SEZ6L: variants seen among roughly 807,000 people sequenced by gnomAD.
SEZ6L encodes the protein seizure related 6 homolog like.
SEZ6L carries 37 observed loss-of-function variants against 106.2 expected under a neutral mutation model. The observed-to-expected ratio is 0.35, with a 90% confidence interval of 0.27 to 0.46. The LOEUF is 0.46. Ranked by LOEUF, SEZ6L falls within the 20% of genes least tolerant of loss-of-function variation. The probability of loss-of-function intolerance (pLI) is 1.00; values close to 1 mark genes in which losing one functional copy is unlikely to be tolerated. For synonymous variants in SEZ6L, 541 were observed against 570.4 expected (o/e 0.95, Z 0.73); for missense variants, 1,172 against 1,332.8 (o/e 0.88, Z 1.88).
At chr22:26,186,822 T>C (rs541891877) in intron 1 of SEZ6L, among the ~76,000 whole-genome samples, 30 of 152,272 alleles carry the variant, frequency 2.0e-4, no homozygotes, top group African/African-American at 9.6e-5. Context: ...CCAGATCCTA[T>C]AGGGCAGGGA....
At chr22:26,354,978 CA>C (rs2083396194) in intron 12 of SEZ6L, among the ~76,000 whole-genome samples, 1 of 152,222 alleles carries the variant, frequency 6.6e-6, no homozygotes, top group South Asian at 2.1e-4. Flanking sequence ...GGAGATAACG[CA>C]GGAGGCGAGA....
intron 13 of SEZ6L, among the ~76,000 whole-genome samples, chr22:26,372,141 G>A (rs2084057837): frequency 6.6e-6 from 1 of 152,152 alleles, no homozygotes; most frequent in South Asian, 2.1e-4. Flanking sequence ...TTCTGAAGAG[G>A]AGCCAGTGAG....
In SEZ6L at chr22:26,351,081, G is replaced by A. The variant is rs1374250696; in HGVS notation, c.2437G>A (p.Asp813Asn). Residue 813 changes from aspartate (D) to asparagine (N), a missense_variant, in exon 12 of 17, where the codon GAT (aspartate) becomes AAT (asparagine). Physicochemically the swap from Asp to Asn is conservative, Grantham distance 23. This residue lies in a region of SEZ6L where 534 missense variants were observed against 691.0 expected (regional missense o/e 0.77). Transcript: ENST00000248933. ...GTACTGCACCGACCCCGGAGAGGTG[G>A]ATCACTCGACCCGCTTAATTTCGGA... ...IMYCTDPGEV[D>N]HSTRLISDPV... 2 of 1,614,122 alleles carry A rather than the reference G, an allele frequency of 1.2e-6. No individual in the cohort carries two copies. Among genetic ancestry groups the A allele is most frequent in the Non-Finnish European group, 1.7e-6 (2 of 1,180,036 alleles).
intron 5 of SEZ6L, among the ~76,000 whole-genome samples, chr22:26,304,431 AAAGAAAG>A (rs2081572959): frequency 6.7e-6 from 1 of 149,472 alleles, no homozygotes. Flanking sequence ...AAAGAAAGAA[AAAGAAAG>A]GAAAGAAAAT....
chr22:26,373,708 T>C (rs1400314114), intron 14 of SEZ6L, among the ~76,000 whole-genome samples: 2 of 152,150 alleles, frequency 1.3e-5, no homozygotes, highest in Non-Finnish European at 2.9e-5. Flanking sequence ...AGCTGTTCTG[T>C]ACATGGTAAC....
chr22:26,361,349 C>T (rs9608487), intron 12 of SEZ6L, among the ~76,000 whole-genome samples: 3 of 140,344 alleles, frequency 2.1e-5, no homozygotes, highest in African/African-American at 7.8e-5. Context: ...AATACAAAAA[C>T]AAAAAAAATC....
chr22:26,349,692 A>T (rs1035505378), intron 11 of SEZ6L, among the ~76,000 whole-genome samples: 1 of 152,154 alleles, frequency 6.6e-6, no homozygotes, highest in Non-Finnish European at 1.5e-5. Context: ...TTGTAGAGAC[A>T]GGGGTCTTGC....
At chr22:26,375,463 G>C in intron 14 of SEZ6L, 112 bp from the exon 15 acceptor site, 2 of 805,196 alleles carry the variant, frequency 2.5e-6, no homozygotes, top group Non-Finnish European at 4.3e-6. Context: ...GGCCCTCCCA[G>C]AGCCTTAGAC....
intron 1 of SEZ6L, among the ~76,000 whole-genome samples, chr22:26,192,128 C>T (rs1027592316): frequency 6.6e-6 from 1 of 152,202 alleles, no homozygotes; most frequent in African/African-American, 2.4e-5. Flanking sequence ...ATCCATTCAT[C>T]TGTTCATCAC....
At chr22:26,188,288 A>G (rs1244548326) in intron 1 of SEZ6L, among the ~76,000 whole-genome samples, 1 of 152,172 alleles carries the variant, frequency 6.6e-6, no homozygotes, top group African/African-American at 2.4e-5. Flanking sequence ...AATAACAAAT[A>G]TTTACTATTA....
chr22:26,269,139 T>C (rs1392260667), intron 1 of SEZ6L, among the ~76,000 whole-genome samples: 1 of 152,218 alleles, frequency 6.6e-6, no homozygotes, highest in Non-Finnish European at 1.5e-5. Flanking sequence ...GGGGATATTA[T>C]GGGATGTAAT....
At chr22:26,172,646 C>A (rs1938704881) in intron 1 of SEZ6L, among the ~76,000 whole-genome samples, 1 of 152,198 alleles carries the variant, frequency 6.6e-6, no homozygotes, top group South Asian at 2.1e-4. Context: ...CTGTGAACAA[C>A]CAGGTGTGTG....
intron 1 of SEZ6L, among the ~76,000 whole-genome samples, chr22:26,273,020 G>A (rs2080419308): frequency 6.6e-6 from 1 of 152,208 alleles, no homozygotes. Context: ...ACATTGTAAG[G>A]CTGAAAAAGT....
intron 14 of SEZ6L, among the ~76,000 whole-genome samples, chr22:26,373,935 C>G (rs2084129156): frequency 6.6e-6 from 1 of 152,174 alleles, no homozygotes; most frequent in Admixed American, 6.5e-5. Flanking sequence ...AGCATACCCA[C>G]CCCTTCTCCC....
At chr22:26,249,945 A>G (rs1467808815) in intron 1 of SEZ6L, among the ~76,000 whole-genome samples, 1 of 152,068 alleles carries the variant, frequency 6.6e-6, no homozygotes, top group African/African-American at 2.4e-5. Context: ...TTTTTCATAT[A>G]CCTGTTGGCC....
intron 1 of SEZ6L, among the ~76,000 whole-genome samples, chr22:26,267,760 A>G (rs1434081930): frequency 1.3e-5 from 2 of 152,190 alleles, no homozygotes; most frequent in Non-Finnish European, 2.9e-5. Context: ...AGCATAGATG[A>G]TGGAGATCCA....
intron 13 of SEZ6L, 131 bp downstream of exon 13, chr22:26,365,697 A>C: frequency 2.2e-5 from 16 of 716,180 alleles, no homozygotes; most frequent in South Asian, 1.3e-4. Context: ...ACATAGTGAG[A>C]CCCCCATCTC....
intron 1 of SEZ6L, among the ~76,000 whole-genome samples, chr22:26,291,493 G>A (rs982014645): frequency 4.6e-5 from 7 of 152,146 alleles, no homozygotes; most frequent in African/African-American, 1.7e-4. Context: ...AATGCATGCT[G>A]GGCTTAATAC....
intron 12 of SEZ6L, chr22:26,351,509 G>GC: frequency 2.9e-6 from 1 of 344,818 alleles, no homozygotes; most frequent in African/African-American, 2.7e-5. Flanking sequence ...AGTATACTTT[G>GC]TTTTTTTGTT....
Sources: allele counts gnomAD v4.1 joint callset (sites outside exome capture counted in the v4.1 genomes callset), GRCh38; gene constraint gnomAD v4.1.1; regional missense constraint gnomAD v4.1.1; transcripts MANE v1.5; gene names NCBI Gene and HGNC (gene_info 2026-07-23, HGNC 2026-07-21).